Variants in PILRA observed in about 807,000 individuals in gnomAD.
PILRA encodes the protein paired immunoglobin like type 2 receptor alpha.
PILRA carries 37 observed loss-of-function variants against 33.1 expected under a neutral mutation model. That is an observed-to-expected ratio of 1.12 (90% CI 0.86 to 1.47). The LOEUF (loss-of-function observed/expected upper bound fraction) is 1.47. Among genes scored for constraint, PILRA ranks in the 40% most tolerant of loss-of-function variants. The pLI is 0.00. For missense variants in PILRA, 312 were observed against 376.2 expected, an observed-to-expected ratio of 0.83 and a Z score of 1.41; for synonymous variants, 146 against 149.9, an observed-to-expected ratio of 0.97 and a Z score of 0.19.
At chr7:100,389,709 G>A (rs1336194798) in intron 2 of PILRA, among the ~76,000 whole-genome samples, 179 bp from the exon 3 acceptor site, 2 of 152,092 alleles carry the variant, frequency 1.3e-5, no homozygotes, top group Non-Finnish European at 2.9e-5. Flanking sequence ...AAAATGAACT[G>A]AGTCGTCTGC....
chr7:100,379,460 G>T (rs1271966135), intron 2 of PILRA, among the ~76,000 whole-genome samples: 8 of 151,996 alleles, frequency 5.3e-5, no homozygotes, highest in African/African-American at 1.9e-4. Flanking sequence ...GAGGTCAGGA[G>T]TTCGAGACCA....
chr7:100,371,426 T>TG (rs1302654013), upstream of PILRA, among the ~76,000 whole-genome samples: 1 of 152,130 alleles, frequency 6.6e-6, no homozygotes, highest in East Asian at 1.9e-4. Context: ...ACAAAGCCTA[T>TG]GGGATGTCGA....
At chr7:100,394,112 G>A (rs1420877439) in intron 3 of PILRA, among the ~76,000 whole-genome samples, 1 of 152,182 alleles carries the variant, frequency 6.6e-6, no homozygotes, top group Non-Finnish European at 1.5e-5. Flanking sequence ...CCCAGGATTA[G>A]AGACTTGCCA....
At chr7:100,394,663 A>T (rs2130233655) in intron 3 of PILRA, among the ~76,000 whole-genome samples, 1 of 152,212 alleles carries the variant, frequency 6.6e-6, no homozygotes, top group East Asian at 1.9e-4. Context: ...ACGGAATAGA[A>T]TACAGAGTCT....
chr7:100,397,007 A>G (rs1463636261), intron 3 of PILRA, among the ~76,000 whole-genome samples: 3 of 151,688 alleles, frequency 2.0e-5, no homozygotes, highest in Non-Finnish European at 4.4e-5. Flanking sequence ...TACCGTAAGT[A>G]AAATAAAACA....
chr7:100,372,040 C>T (rs1381332775), upstream of PILRA, among the ~76,000 whole-genome samples: 6 of 152,312 alleles, frequency 3.9e-5, no homozygotes, highest in Admixed American at 3.9e-4. Flanking sequence ...ACCTTTCAGC[C>T]AGGTCCTCAG....
chr7:100,387,053 C>A (rs1220317817), intron 2 of PILRA, among the ~76,000 whole-genome samples: 1 of 152,162 alleles, frequency 6.6e-6, no homozygotes, highest in African/African-American at 2.4e-5. Flanking sequence ...ATTCTCATTT[C>A]TTCTCTGTCT....
At position 100,387,918 on chromosome 7, in the gene PILRA, T is replaced by C. The variant is rs535383708; in HGVS notation, c.455-1970T>C. Among the ~76,000 whole-genome samples, 5 of 152,334 alleles carry C rather than the reference T, an allele frequency of 3.3e-5. No individual in the cohort carries two copies. The East Asian group carries it at 9.6e-4, about 29-fold the overall frequency. On this transcript the variant is annotated intron_variant, in intron 2 of 6. Transcript: ENST00000198536. The stretch of plus-strand genomic sequence containing the variant: ...ATTCCTACGTAACTTTTCATTACTT[T>C]CTTCCTCTGAGTTTCTTTACAGCTG...
upstream of PILRA, among the ~76,000 whole-genome samples, chr7:100,373,107 C>T (rs1790857603): frequency 6.6e-6 from 1 of 152,044 alleles, no homozygotes; most frequent in African/African-American, 2.4e-5. Context: ...AGAGGACAAG[C>T]TGGGGGCTCT....
At chr7:100,373,359 C>G (rs966955018), upstream of PILRA, 35 of 557,940 alleles carry the variant, frequency 6.3e-5, no homozygotes, top group Non-Finnish European at 4.5e-5. Context: ...CCCCCAAGGT[C>G]AGGCCCAGCC....
chr7:100,399,888 ACT>A lies in PILRA; in HGVS notation c.896_897del (p.Ser299CysfsTer14), dbSNP rs753940126. On this transcript the variant is annotated frameshift_variant, in exon 7 of 7. Transcript: ENST00000198536. LOFTEE classifies it high-confidence loss of function. ...AAGAGCCCCCAGAACGAGACCCTGT[ACT>A]CTGTCTTAAAGGCCTAACCAATGGA... 1 of 1,611,144 alleles carries A rather than the reference ACT, an allele frequency of 6.2e-7. No individual in the cohort carries two copies. The highest frequency in any genetic ancestry group is 1.3e-5 in the African/African-American group (1 of 74,832).
At chr7:100,378,852 G>T (rs570976771) in intron 2 of PILRA, among the ~76,000 whole-genome samples, 68 of 152,248 alleles carry the variant, frequency 4.5e-4, no homozygotes, top group African/African-American at 1.5e-3. Context: ...CAGCACTTTG[G>T]GAGGTCAAGG....
intron 2 of PILRA, among the ~76,000 whole-genome samples, chr7:100,380,442 G>A (rs541742518): frequency 6.6e-6 from 1 of 152,242 alleles, no homozygotes; most frequent in South Asian, 2.1e-4. Flanking sequence ...CTTTACAAAG[G>A]AACTTGCCAA....
At chr7:100,382,925 C>G (rs1791150581) in intron 2 of PILRA, among the ~76,000 whole-genome samples, 1 of 152,198 alleles carries the variant, frequency 6.6e-6, no homozygotes, top group Non-Finnish European at 1.5e-5. Flanking sequence ...ATTGTTAACA[C>G]TCAAACTGCA....
chr7:100,386,682 A>G (rs571048442), intron 2 of PILRA, among the ~76,000 whole-genome samples: 1 of 151,922 alleles, frequency 6.6e-6, no homozygotes, highest in Admixed American at 6.6e-5. Context: ...ACACCCAGCT[A>G]ATTTTTGTAT....
intron 3 of PILRA, among the ~76,000 whole-genome samples, chr7:100,391,052 C>T (rs1293865345): frequency 2.0e-5 from 3 of 151,730 alleles, no homozygotes; most frequent in African/African-American, 7.3e-5. Flanking sequence ...AGGTGGCTCA[C>T]GCCTGTAATC....
At chr7:100,379,551 C>G (rs1052654545) in intron 2 of PILRA, among the ~76,000 whole-genome samples, 8 of 151,584 alleles carry the variant, frequency 5.3e-5, no homozygotes, top group African/African-American at 1.5e-4. Flanking sequence ...GCCTGTAGTC[C>G]CAGCTACTCA....
At chr7:100,381,382 G>A (rs1791088466) in intron 2 of PILRA, among the ~76,000 whole-genome samples, 1 of 149,806 alleles carries the variant, frequency 6.7e-6, no homozygotes, top group Non-Finnish European at 1.5e-5. Flanking sequence ...GGAGGTCAAG[G>A]CTGCAGTAGC....
At chr7:100,386,174 G>T (rs1050473728) in intron 2 of PILRA, among the ~76,000 whole-genome samples, 5 of 152,192 alleles carry the variant, frequency 3.3e-5, no homozygotes, top group African/African-American at 1.2e-4. Context: ...GCCTCCCAAA[G>T]TGCTGGGATT....
Sources: allele counts gnomAD v4.1 joint callset (sites outside exome capture counted in the v4.1 genomes callset), GRCh38; gene constraint gnomAD v4.1.1; transcripts MANE v1.5; gene names NCBI Gene and HGNC (gene_info 2026-07-23, HGNC 2026-07-21).